Variants in CHODL observed in about 807,000 individuals in gnomAD.
CHODL encodes chondrolectin.
A neutral mutation model predicts 34.5 loss-of-function variants in CHODL; 29 were observed. The observed-to-expected ratio is 0.84, with a 90% confidence interval of 0.63 to 1.15. CHODL has a LOEUF of 1.15. Ranked by LOEUF, CHODL falls within the 50% of genes most tolerant of loss-of-function variation. The probability of loss-of-function intolerance (pLI) is 0.00; values close to 1 mark genes in which losing one functional copy is unlikely to be tolerated. For synonymous variants in CHODL, 125 were observed against 116.1 expected, an observed-to-expected ratio of 1.08 and a Z score of -0.49; for missense variants, 332 against 332.5, an observed-to-expected ratio of 1.00 and a Z score of 0.01.
chr21:17,991,430 TAA>T (rs375991414), intron 1 of CHODL, among the ~76,000 whole-genome samples: 29 of 152,200 alleles, frequency 1.9e-4, no homozygotes, highest in African/African-American at 7.0e-4. Context: ...CAACAATGTA[TAA>T]GAGTTCCCTT....
At chr21:18,180,734 A>T (rs1340931141) in intron 2 of CHODL, among the ~76,000 whole-genome samples, 1 of 152,218 alleles carries the variant, frequency 6.6e-6, no homozygotes, top group Non-Finnish European at 1.5e-5. Flanking sequence ...AAAACTAGTT[A>T]CACATATTTA....
Position 18,257,041 on chromosome 21 carries a change from A to G in CHODL, c.461A>G (p.Asn154Ser), listed in dbSNP as rs1288149934. The change falls in exon 3 of 6, where the codon AAT (asparagine) becomes AGT (serine). Residue 154 changes from asparagine (N) to serine (S), a missense_variant. Asn to Ser is a conservative substitution (Grantham distance 46). Coordinates refer to ENST00000299295, the MANE Select transcript of CHODL (RefSeq NM_024944.3). ...GTGATGTATCACCAACCAACTGCCA[A>G]TCCTGGCCTTGGGGGTCCCTACCTT... ...CVVMYHQPTA[N>S]PGLGGPYLYQ... 9 of 1,614,042 alleles carry G rather than the reference A, an allele frequency of 5.6e-6. No individual in the cohort carries two copies. Among genetic ancestry groups the G allele is most frequent in the South Asian group, 2.2e-5 (2 of 91,076 alleles).
intron 2 of CHODL, among the ~76,000 whole-genome samples, chr21:18,202,253 T>C (rs2146710620): frequency 6.6e-6 from 1 of 152,314 alleles, no homozygotes; most frequent in African/African-American, 2.4e-5. Flanking sequence ...GTTAGAATGT[T>C]TTATTGATAA....
intron 2 of CHODL, among the ~76,000 whole-genome samples, chr21:18,130,099 T>C (rs1017199652): frequency 2.0e-5 from 3 of 151,590 alleles, no homozygotes; most frequent in African/African-American, 7.3e-5. Flanking sequence ...TCTGTTTTTT[T>C]CCCCCCAGTT....
At chr21:18,208,171 C>CTT (rs113821427) in intron 2 of CHODL, among the ~76,000 whole-genome samples, 37,754 of 142,784 alleles carry the variant, frequency 0.26, 5,193 homozygotes, top group African/African-American at 0.35. Context: ...TCTTCTTCTT[C>CTT]TTTTTTTTTT....
chr21:18,236,040 A>T (rs1045320082), intron 2 of CHODL, among the ~76,000 whole-genome samples: 5 of 152,138 alleles, frequency 3.3e-5, no homozygotes, highest in Non-Finnish European at 7.4e-5. Flanking sequence ...TTAGTACATT[A>T]TCACGCTGCT....
chr21:18,165,559 G>A (rs958843961), intron 2 of CHODL, among the ~76,000 whole-genome samples: 2 of 152,090 alleles, frequency 1.3e-5, no homozygotes, highest in Non-Finnish European at 2.9e-5. Context: ...CAGCAGGGAT[G>A]GCTAAAACTC....
intron 2 of CHODL, among the ~76,000 whole-genome samples, chr21:18,102,075 A>G (rs1214698673): frequency 6.6e-6 from 1 of 152,196 alleles, no homozygotes; most frequent in African/African-American, 2.4e-5. Context: ...ATTTGAGTGT[A>G]AGCTCAGAAT....
intron 2 of CHODL, among the ~76,000 whole-genome samples, chr21:18,041,944 G>T (rs1224858575): frequency 6.6e-6 from 1 of 151,812 alleles, no homozygotes; most frequent in Non-Finnish European, 1.5e-5. Context: ...GATTTAGGAT[G>T]ATATGGGAAG....
intron 2 of CHODL, among the ~76,000 whole-genome samples, chr21:18,095,156 AAG>A (rs767069598): frequency 2.0e-5 from 3 of 151,906 alleles, no homozygotes; most frequent in Non-Finnish European, 2.9e-5. Flanking sequence ...AAAATAATAA[AAG>A]AGCATAAATA....
intron 2 of CHODL, among the ~76,000 whole-genome samples, chr21:18,159,402 G>T (rs953703481): frequency 6.6e-6 from 1 of 152,048 alleles, no homozygotes; most frequent in Non-Finnish European, 1.5e-5. Context: ...AAAGTTTTCT[G>T]CTGTTTGAGA....
chr21:18,251,386 T>TTTTTTAATATAAAAAATA lies in CHODL; in HGVS notation c.80-5122_80-5121insTTTTAATATAAAAAATAT, dbSNP rs1568957244. Among the ~76,000 whole-genome samples, 48 of 115,406 alleles carry TTTTTTAATATAAAAAATA rather than the reference T, an allele frequency of 4.2e-4. 6 individuals are homozygous for TTTTTTAATATAAAAAATA. Among genetic ancestry groups the TTTTTTAATATAAAAAATA allele is most frequent in the African/African-American group, 1.9e-3 (48 of 24,822 alleles). 75.7% of individuals were successfully genotyped at this position (115,406 alleles called of 152,430 possible). The stretch of plus-strand genomic sequence containing the variant: ...TTTATATAAAATAAATGTATTTTAT[T>TTTTTTAATATAAAAAATA]TGTTTTAATATATAAAATATGTATT... On this transcript the variant is annotated intron_variant, in intron 1 of 5. Coordinates refer to ENST00000299295, the MANE Select transcript of CHODL (RefSeq NM_024944.3).
At chr21:18,218,411 T>A (rs1370442993) in intron 2 of CHODL, among the ~76,000 whole-genome samples, 1 of 152,092 alleles carries the variant, frequency 6.6e-6, no homozygotes, top group Non-Finnish European at 1.5e-5. Flanking sequence ...ACAGCTTGAG[T>A]GGCTGGGATG....
At chr21:17,945,746 A>C (rs2063402122) in intron 1 of CHODL, among the ~76,000 whole-genome samples, 1 of 152,246 alleles carries the variant, frequency 6.6e-6, no homozygotes, top group Non-Finnish European at 1.5e-5. Flanking sequence ...AGGTGCAGAA[A>C]GCATGGAAGT....
intron 2 of CHODL, among the ~76,000 whole-genome samples, chr21:18,231,847 G>C (rs1004913373): frequency 2.0e-5 from 3 of 151,894 alleles, no homozygotes; most frequent in African/African-American, 7.3e-5. Context: ...CCACGGCACA[G>C]TAATGGGGAT....
At chr21:17,959,856 C>T (rs985244711) in intron 1 of CHODL, among the ~76,000 whole-genome samples, 1 of 152,134 alleles carries the variant, frequency 6.6e-6, no homozygotes, top group Admixed American at 6.6e-5. Context: ...AACAAATACA[C>T]TCAGTGTAAT....
chr21:18,200,640 C>T lies in CHODL; in HGVS notation c.-44-55869C>T, dbSNP rs569241825. ...AATGGAAAAAAAGATTGAAGCAGCT[C>T]AATTTTTTATTCCAATTACTTAATT... is the stretch of plus-strand genomic sequence containing the variant. On this transcript the variant is annotated intron_variant, in intron 2 of 6. Coordinates refer to the CHODL transcript ENST00000400127. Among the ~76,000 whole-genome samples the T allele has an allele frequency of 1.6e-4, 24 of 152,168 alleles. No individual in the cohort carries two copies. The South Asian group carries it at 3.7e-3, about 24-fold the overall frequency.
intron 1 of CHODL, among the ~76,000 whole-genome samples, chr21:17,974,539 C>T (rs746151576): frequency 1.3e-5 from 2 of 151,938 alleles, no homozygotes; most frequent in Non-Finnish European, 2.9e-5. Context: ...TGAAGTGCTG[C>T]GAGTACAAGC....
intron 2 of CHODL, among the ~76,000 whole-genome samples, chr21:18,225,514 C>T (rs150953036): frequency 6.6e-6 from 1 of 152,094 alleles, no homozygotes; most frequent in Admixed American, 6.6e-5. Context: ...ATATTGTTAA[C>T]ATAAATAAAG....
Sources: gnomAD v4.1 joint callset for allele counts (sites outside exome capture counted in the v4.1 genomes callset) on GRCh38, gnomAD v4.1.1 for gene constraint, MANE v1.5 for transcripts, NCBI Gene and HGNC (gene_info 2026-07-23, HGNC 2026-07-21) for gene names.